WDCP: variants seen among roughly 807,000 people sequenced by gnomAD.
WDCP encodes WD repeat and coiled-coil-containing protein.
Under a neutral mutation model 41.6 loss-of-function variants are expected in WDCP, and 19 were observed. The observed-to-expected ratio is 0.46, with a 90% CI of 0.32 to 0.67. WDCP has a LOEUF of 0.67. Among genes scored for constraint, WDCP ranks in the 30% least tolerant of loss-of-function variants. The pLI is 0.04. For missense variants in WDCP, 802 were observed against 850.7 expected, an observed-to-expected ratio of 0.94 and a Z score of 0.71; for synonymous variants, 302 against 320.8, an observed-to-expected ratio of 0.94 and a Z score of 0.63.
At chr2:24,036,033 C>T (rs1400138761) in intron 2 of WDCP, among the ~76,000 whole-genome samples, 3 of 150,586 alleles carry the variant, frequency 2.0e-5, no homozygotes, top group African/African-American at 4.9e-5. Flanking sequence ...CGCGCCACTG[C>T]ACTCCAGCCT....
chr2:24,042,464 A>G (rs1663473839), intron 1 of WDCP, among the ~76,000 whole-genome samples: 1 of 145,142 alleles, frequency 6.9e-6, no homozygotes, highest in Non-Finnish European at 1.5e-5. Context: ...TGAACCCTGG[A>G]GGCAGAGGTT....
At chr2:24,031,371 A>G (rs901755984) in intron 3 of WDCP, among the ~76,000 whole-genome samples, 1 of 152,198 alleles carries the variant, frequency 6.6e-6, no homozygotes, top group Non-Finnish European at 1.5e-5. Flanking sequence ...AAATGAAATG[A>G]TATTTGATGT....
chr2:24,035,519 T>TA (rs886415620), intron 2 of WDCP, among the ~76,000 whole-genome samples: 3 of 151,894 alleles, frequency 2.0e-5, no homozygotes, highest in African/African-American at 4.8e-5. Context: ...AATTACCTAT[T>TA]AAAAAAAGAC....
At chr2:24,033,133 C>T (rs1397171638) in intron 2 of WDCP, 187 bp from the exon 3 acceptor site, 1 of 680,670 alleles carries the variant, frequency 1.5e-6, no homozygotes, top group Non-Finnish European at 2.8e-6. Flanking sequence ...AACAAAACAG[C>T]CTTATTTTTC....
chr2:24,038,753 G>GAT lies in WDCP; in HGVS notation c.741_742insAT (p.Pro248IlefsTer34), dbSNP rs1558334914. 1 of 1,614,154 alleles carries GAT rather than the reference G, an allele frequency of 6.2e-7. No individual in the cohort carries two copies. The highest frequency in any genetic ancestry group is 1.7e-5 in the Admixed American group (1 of 60,024). ...TCACCAATAACTGGTAAAGCATACG[G>GAT]AGTCATGTCTTTACTGTTAGGTGGG... On this transcript the variant is annotated frameshift_variant, in exon 2 of 4. Transcript: ENST00000295148. LOFTEE classifies it high-confidence loss of function.
chr2:24,039,622 G>A (rs1339221638), intron 1 of WDCP, 110 bp from the exon 2 acceptor site: 11 of 881,864 alleles, frequency 1.2e-5, no homozygotes, highest in Non-Finnish European at 1.9e-5. Flanking sequence ...ATAATGTGGA[G>A]AGACAAAAGG....
intron 2 of WDCP, among the ~76,000 whole-genome samples, chr2:24,035,488 G>A (rs901953337): frequency 6.6e-6 from 1 of 151,910 alleles, no homozygotes; most frequent in Non-Finnish European, 1.5e-5. Flanking sequence ...ATACAGTTTT[G>A]CTTTTTAAAC....
Position 24,037,696 on chromosome 2 carries a change from T to G in WDCP, c.1799A>C (p.Tyr600Ser). Residue 600 changes from tyrosine to serine, a missense_variant, in exon 2 of 4, where the codon TAT (tyrosine) becomes TCT (serine). Physicochemically the swap from Tyr to Ser is moderately radical, Grantham distance 144. Transcript: ENST00000295148. The stretch of plus-strand genomic sequence containing the variant: ...ATTTACCTGGTAAATGATGTGAACA[T>G]AAGGAAGATCTTGAGAGAGTGGATA... ...SVYPLSQDLPYVHIIYQKPYY... is the reference protein window; with the variant it reads ...SVYPLSQDLPSVHIIYQKPYY... 6.2e-7 allele frequency: 1 copy of G among 1,612,492 alleles called. No individual in the cohort carries two copies. Among genetic ancestry groups the G allele is most frequent in the Non-Finnish European group, 8.5e-7 (1 of 1,179,488 alleles).
chr2:24,032,066 T>C (rs1289642259), intron 3 of WDCP, among the ~76,000 whole-genome samples: 1 of 152,210 alleles, frequency 6.6e-6, no homozygotes, highest in Non-Finnish European at 1.5e-5. Flanking sequence ...GGGTATATAG[T>C]AGGCAATTAA....
chr2:24,030,334 A>C lies in WDCP; in HGVS notation c.*599T>G, dbSNP rs926193665. On this transcript the variant is annotated 3_prime_UTR_variant, in exon 4 of 4. Coordinates refer to ENST00000295148, the MANE Select transcript of WDCP (RefSeq NM_025203.3). ...TTTTAAGAGTACCTGGACCTTCGTC[A>C]GCCAGAATTTGTTAAGGAAGCAAGA... is the stretch of plus-strand genomic sequence containing the variant. The C allele has an allele frequency of 1.3e-5, 2 of 152,178 alleles. No individual in the cohort carries two copies. The highest frequency in any genetic ancestry group is 4.8e-5 in the African/African-American group (2 of 41,422). The allele number at this position is 152,178 out of a possible 1,614,324, so 9.4% of individuals were successfully genotyped here.
intron 1 of WDCP, among the ~76,000 whole-genome samples, chr2:24,040,740 G>C (rs1233902974): frequency 6.6e-6 from 1 of 152,186 alleles, no homozygotes; most frequent in African/African-American, 2.4e-5. Flanking sequence ...CTTAGGGCTG[G>C]GCGTGGTGAC....
rs1663318182 is a variant in WDCP at position 24,038,273 on chromosome 2, G to C, written c.1222C>G (p.Leu408Val). The C allele has an allele frequency of 1.2e-6, 2 of 1,614,032 alleles. No individual in the cohort carries two copies. The highest frequency in any genetic ancestry group is 1.1e-5 in the South Asian group (1 of 91,090). The change falls in exon 2 of 4, where the codon CTC becomes GTC. Residue 408 changes from leucine to valine, a missense_variant. By Grantham distance (32) the Leu-to-Val change is conservative. Transcript: ENST00000295148. ...GAAGGAAGAAATGTTGTATCAGTGA[G>C]TTTTTGTTTTCCTACCAAAATTAGT... ...LLLILVGKQK[L>V]TDTTFLPSSK...
rs957714616 is a variant in WDCP, at chr2:24,030,689, T to G, written c.*244A>C. ...TGTTTTGTTCTGAGAATTCTGCCCT[T>G]AGTCAAAACCACACAGTCATGAATA... On this transcript the variant is annotated 3_prime_UTR_variant, in exon 4 of 4. Transcript: ENST00000295148. The G allele has an allele frequency of 2.3e-6, 1 of 444,112 alleles. No homozygotes were observed. The highest frequency in any genetic ancestry group is 2.0e-5 in the African/African-American group (1 of 51,040). The allele number at this position is 444,112 out of a possible 1,614,324, so 27.5% of individuals were successfully genotyped here.
intron 2 of WDCP, chr2:24,033,365 G>C (rs960271957): frequency 4.2e-6 from 1 of 235,994 alleles, no homozygotes; most frequent in Non-Finnish European, 8.7e-6. Context: ...CAGAGGATTT[G>C]CATAAAATAA....
In WDCP at chr2:24,039,441, T is replaced by C; in HGVS notation, c.54A>G (p.Gln18=). ...LLRTGLNALH[Q]AVHPIHGLAW... The stretch of plus-strand genomic sequence containing the variant: ...CAAGGCCATGGATCGGATGCACTGC[T>C]TGATGCAACGCATTCAGTCCAGTCC... The change falls in exon 2 of 4, where the codon CAA becomes CAG. Residue 18 remains glutamine, a synonymous_variant. Coordinates refer to ENST00000295148, the MANE Select transcript of WDCP (RefSeq NM_025203.3). The C allele has an allele frequency of 6.2e-7, 1 of 1,614,252 alleles. No individual in the cohort carries two copies.
rs1663052204 is a variant in WDCP, at chr2:24,029,522, C to T, written c.*1411G>A. On this transcript the variant is annotated 3_prime_UTR_variant, in exon 4 of 4. Transcript: ENST00000295148. The stretch of plus-strand genomic sequence containing the variant: ...CACCCCAGATACTTCCAAGTGGAGC[C>T]AGGCCTCAGACTGTTCTCAGTCACT... The T allele has an allele frequency of 6.6e-6, 1 of 152,156 alleles. No individual in the cohort carries two copies. Among genetic ancestry groups the T allele is most frequent in the Admixed American group, 6.6e-5 (1 of 15,262 alleles). The allele number at this position is 152,156 out of a possible 1,614,324, so 9.4% of individuals were successfully genotyped here. A position where few individuals can be genotyped will look rare whatever the true frequency, so the allele number is the denominator to read the frequency against.
chr2:24,039,429 C>T lies in WDCP; in HGVS notation c.66G>A (p.Pro22=), dbSNP rs144051773. 28 of 1,614,234 alleles carry T rather than the reference C, an allele frequency of 1.7e-5. 1 individual carries two copies. Among genetic ancestry groups the T allele is most frequent in the South Asian group, 8.8e-5 (8 of 91,088 alleles). ...CATCGGTCCAGGCAAGGCCATGGAT[C>T]GGATGCACTGCTTGATGCAACGCAT... is the stretch of plus-strand genomic sequence containing the variant. The part of the protein sequence containing the change: ...GLNALHQAVH[P]IHGLAWTDGN... The change falls in exon 2 of 4, where the codon CCG becomes CCA. Residue 22 remains proline (P), a synonymous_variant. Transcript: ENST00000295148.
intron 2 of WDCP, among the ~76,000 whole-genome samples, chr2:24,037,330 CT>C (rs1307621575): frequency 6.6e-6 from 1 of 152,176 alleles, no homozygotes; most frequent in South Asian, 2.1e-4. Context: ...GCAACATAAC[CT>C]TTTTTATAAC....
chr2:24,039,503 T>C lies in WDCP; in HGVS notation c.-9A>G, dbSNP rs1663359297. 1 of 1,607,986 alleles carries C rather than the reference T, an allele frequency of 6.2e-7. No homozygotes were observed. Among genetic ancestry groups the C allele is most frequent in the Non-Finnish European group, 8.5e-7 (1 of 1,175,354 alleles). On this transcript the variant is annotated 5_prime_UTR_variant, in exon 2 of 4. Coordinates refer to ENST00000295148, the MANE Select transcript of WDCP (RefSeq NM_025203.3). ...CCTTTTCCCAACTCCATCCTTTTGA[T>C]AAAGGTTACCTGAAATGATTAAGAA...
Sources: gnomAD v4.1 joint callset for allele counts (sites outside exome capture counted in the v4.1 genomes callset) on GRCh38, gnomAD v4.1.1 for gene constraint, MANE v1.5 for transcripts, NCBI Gene and HGNC (gene_info 2026-07-23, HGNC 2026-07-21) for gene names.